Variants in CPED1 observed in about 807,000 individuals in gnomAD.
The protein encoded by CPED1 is cadherin like and PC-esterase domain containing 1.
CPED1 carries 114 observed loss-of-function variants against 128.2 expected under a neutral mutation model. That is an observed-to-expected ratio of 0.89 (90% CI 0.76 to 1.04). The LOEUF is 1.04. Among genes scored for constraint, CPED1 ranks in the 50% least tolerant of loss-of-function variants. The pLI is 0.00. For synonymous variants in CPED1, 462 were observed against 426.7 expected (o/e 1.08, Z -1.02); for missense variants, 1,211 against 1,207.1 (o/e 1.00, Z -0.05).
intron 17 of CPED1, 23 bp downstream of exon 17, chr7:121,236,854 C>A: frequency 7.9e-7 from 1 of 1,269,666 alleles, no homozygotes; most frequent in Non-Finnish European, 1.1e-6. Context: ...TTGGATATCA[C>A]TTCTCTAAAA....
chr7:121,232,740 G>A (rs1023967692), intron 16 of CPED1, among the ~76,000 whole-genome samples: 19 of 152,186 alleles, frequency 1.2e-4, no homozygotes, highest in African/African-American at 4.3e-4. Context: ...GGAAAGGGGA[G>A]GAATTGGGTC....
rs1793220528 is a variant in CPED1 at position 121,047,145 on chromosome 7, A to G, written c.540+152A>G. On this transcript the variant is annotated intron_variant, in intron 4 of 22. Coordinates refer to ENST00000310396, the MANE Select transcript of CPED1 (RefSeq NM_024913.5). ...CTGGCCATGCCTTATATACTTTACC[A>G]TAAAATAGTCACCACTTTTTGTTTG... 8.3e-6 allele frequency: 4 copies of G among 481,450 alleles called. No homozygotes were observed. The South Asian group carries it at 1.8e-4, about 21-fold the overall frequency. The allele number at this position is 481,450 out of a possible 1,614,324, so 29.8% of individuals were successfully genotyped here. A position where few individuals can be genotyped will look rare whatever the true frequency, so the allele number is the denominator to read the frequency against.
intron 4 of CPED1, among the ~76,000 whole-genome samples, chr7:121,047,688 CTTCTTCTTCTTCTTCTTCTTCTTCTTCT>C (rs1563004878): frequency 6.1e-5 from 1 of 16,442 alleles, no homozygotes. Context: ...TCTTCTTCTT[CTTCTTCTTCTTCTTCTTCTTCTTCTTCT>C]TTTTTTTTTT....
At chr7:121,084,547 G>A (rs139381976) in intron 5 of CPED1, among the ~76,000 whole-genome samples, 1 of 152,274 alleles carries the variant, frequency 6.6e-6, no homozygotes, top group African/African-American at 2.4e-5. Context: ...TATTGGTGAT[G>A]TGCCTTTCCA....
chr7:121,070,556 C>T (rs1477458643), intron 5 of CPED1, among the ~76,000 whole-genome samples: 1 of 152,142 alleles, frequency 6.6e-6, no homozygotes, highest in Non-Finnish European at 1.5e-5. Flanking sequence ...ATTATACCCT[C>T]ACCCCAGTAT....
intron 11 of CPED1, among the ~76,000 whole-genome samples, chr7:121,129,910 C>A (rs947521076): frequency 1.3e-5 from 2 of 150,814 alleles, no homozygotes; most frequent in South Asian, 2.1e-4. Context: ...AAAAAACTCA[C>A]CCTATTTGGA....
At position 121,127,070 on chromosome 7, in the gene CPED1, G is replaced by A. The variant is rs1319897558; in HGVS notation, c.1135-20G>A. On this transcript the variant is annotated intron_variant, in intron 9 of 22. Transcript: ENST00000310396. The stretch of plus-strand genomic sequence containing the variant: ...AGTAAATCGATGAAAAATATTTGCT[G>A]TGCTTTTGTTCTTTCAAAGGTACAC... The A allele has an allele frequency of 6.6e-7, 1 of 1,521,628 alleles. No homozygotes were observed. Among genetic ancestry groups the A allele is most frequent in the East Asian group, 2.3e-5 (1 of 43,204 alleles). 94.3% of individuals were successfully genotyped at this position (1,521,628 alleles called of 1,614,324 possible).
chr7:121,129,269 ATGTG>A (rs1431596941), intron 11 of CPED1, among the ~76,000 whole-genome samples: 2 of 142,660 alleles, frequency 1.4e-5, no homozygotes, highest in Admixed American at 7.0e-5. Flanking sequence ...TAAAAAGTAT[ATGTG>A]TGTGTGTATA....
intron 22 of CPED1, among the ~76,000 whole-genome samples, chr7:121,272,738 T>C (rs1225792685): frequency 1.3e-5 from 2 of 152,092 alleles, no homozygotes; most frequent in Non-Finnish European, 2.9e-5. Flanking sequence ...AGCTGATCTG[T>C]AGCCACAGTA....
intron 3 of CPED1, among the ~76,000 whole-genome samples, chr7:121,027,742 G>GTAATAA (rs10682627): frequency 0.069 from 9,962 of 143,390 alleles, 455 homozygotes; most frequent in African/African-American, 0.11. Context: ...ATAACCTTTA[G>GTAATAA]TAATAATAAT....
Position 121,124,390 on chromosome 7 carries a change from T to C in CPED1, c.978T>C (p.Ile326=). 1 of 1,608,922 alleles carries C rather than the reference T, an allele frequency of 6.2e-7. No individual in the cohort carries two copies. The highest frequency in any genetic ancestry group is 1.7e-4 in the Middle Eastern group (1 of 6,032). Residue 326 remains isoleucine (I), a synonymous_variant, in exon 8 of 23, where the codon ATT becomes ATC. Coordinates refer to ENST00000310396, the MANE Select transcript of CPED1 (RefSeq NM_024913.5). ...GTTCACCTCAACAGGCTTTTGACATTATGAAGGAAGCAATTGGCAAACTAC... is the reference window on the plus strand; with the variant it reads ...GTTCACCTCAACAGGCTTTTGACATCATGAAGGAAGCAATTGGCAAACTAC... ...RASSPQQAFD[I]MKEAIGKLLL... is the part of the protein sequence containing the mutation.
chr7:121,082,099 C>T (rs1480811757), intron 5 of CPED1, among the ~76,000 whole-genome samples: 1 of 152,146 alleles, frequency 6.6e-6, no homozygotes, highest in Middle Eastern at 3.2e-3. Context: ...CAACCTAATT[C>T]CAGTTCCACC....
At chr7:121,044,650 C>CTTTT (rs58884492) in intron 3 of CPED1, among the ~76,000 whole-genome samples, 1 of 106,042 alleles carries the variant, frequency 9.4e-6, no homozygotes, top group Non-Finnish European at 1.8e-5. Flanking sequence ...ACTTTCTGCT[C>CTTTT]TTTTTTTTTT....
intron 7 of CPED1, among the ~76,000 whole-genome samples, chr7:121,119,829 C>T (rs191849182): frequency 2.0e-5 from 3 of 152,134 alleles, no homozygotes; most frequent in East Asian, 3.9e-4. Context: ...CCATTTCCAC[C>T]TCCTCCCAGC....
intron 21 of CPED1, among the ~76,000 whole-genome samples, chr7:121,269,056 A>G (rs924348246): frequency 1.3e-5 from 2 of 151,984 alleles, no homozygotes; most frequent in African/African-American, 4.8e-5. Flanking sequence ...CAAATGCCAA[A>G]TACAATTCTC....
Position 121,244,261 on chromosome 7 carries a change from A to C in CPED1, c.2233A>C (p.Ile745Leu), listed in dbSNP as rs1798470983. The C allele has an allele frequency of 6.2e-7, 1 of 1,614,052 alleles. No homozygotes were observed. Among genetic ancestry groups the C allele is most frequent in the African/African-American group, 1.3e-5 (1 of 74,920 alleles). Residue 745 changes from isoleucine to leucine, a missense_variant, in exon 18 of 23, where the codon ATA (isoleucine) becomes CTA (leucine). Ile to Leu is a conservative substitution (Grantham distance 5). Transcript: ENST00000310396. ...SDNRTCDWRE[I>L]TWQPHNCQYG... is the part of the protein sequence containing the mutation. The stretch of plus-strand genomic sequence containing the variant: ...CAACAGGACGTGTGACTGGAGAGAA[A>C]TAACCTGGCAGCCCCACAACTGCCA...
At chr7:121,069,560 C>T (rs1363602480) in intron 5 of CPED1, among the ~76,000 whole-genome samples, 3 of 152,052 alleles carry the variant, frequency 2.0e-5, no homozygotes, top group Non-Finnish European at 4.4e-5. Context: ...CTGTTCCATT[C>T]CATAGCCAGA....
In CPED1 at chr7:121,125,058, C is replaced by T. The variant is rs116434812; in HGVS notation, c.1061+585C>T. Among the ~76,000 whole-genome samples, 1,075 of 152,016 alleles carry T rather than the reference C, an allele frequency of 7.1e-3. 15 individuals are homozygous for T. The highest frequency in any genetic ancestry group is 0.023 in the African/African-American group (948 of 41,478). ...GTAGGAGTAGGAGAGTTTTCTTCTT[C>T]GTATTTAGGTTTCCATGGATTAACT... On this transcript the variant is annotated intron_variant, in intron 8 of 22. Coordinates refer to ENST00000310396, the MANE Select transcript of CPED1 (RefSeq NM_024913.5).
intron 18 of CPED1, among the ~76,000 whole-genome samples, chr7:121,245,601 G>A (rs985189229): frequency 1.3e-5 from 2 of 151,986 alleles, no homozygotes; most frequent in South Asian, 4.2e-4. Context: ...AGCTAAGGTA[G>A]ATATTATCAT....
Sources: allele counts gnomAD v4.1 joint callset (sites outside exome capture counted in the v4.1 genomes callset), GRCh38; gene constraint gnomAD v4.1.1; transcripts MANE v1.5; gene names NCBI Gene and HGNC (gene_info 2026-07-23, HGNC 2026-07-21).